Variants in NEUROD4 observed in about 807,000 individuals in gnomAD.
NEUROD4 encodes neurogenic differentiation factor 4.
In NEUROD4, 16 loss-of-function variants were observed where a neutral mutation model predicts 19.8. The ratio of observed to expected loss-of-function variants is 0.81; its 90% CI spans 0.55 to 1.23. The LOEUF is 1.23. NEUROD4 is among the 50% of genes most tolerant of loss of function. NEUROD4 has a pLI of 0.00. For synonymous variants in NEUROD4, 153 were observed against 147.9 expected (o/e 1.03, Z -0.25); for missense variants, 439 against 398.6 (o/e 1.10, Z -0.86).
In NEUROD4 at chr12:55,027,050, A is replaced by C. The variant is rs530830280; in HGVS notation, c.611A>C (p.Tyr204Ser). The change falls in exon 2 of 2, where the codon TAT becomes TCT. Residue 204 changes from tyrosine (Y) to serine (S), a missense_variant. By Grantham distance (144) the Tyr-to-Ser change is moderately radical. Transcript: ENST00000242994. ...GCCATCTCTGTCCACAACTTCAACT[A>C]TCAGTCTCCGGGGCTTCCTAGCCCT... The part of the protein sequence containing the change: ...DSAISVHNFN[Y>S]QSPGLPSPPY... 1 of 1,614,106 alleles carries C rather than the reference A, an allele frequency of 6.2e-7. No individual in the cohort carries two copies. Among genetic ancestry groups the C allele is most frequent in the South Asian group, 1.1e-5 (1 of 91,078 alleles).
At chr12:55,024,500 C>T (rs938996312) in intron 1 of NEUROD4, among the ~76,000 whole-genome samples, 1 of 152,168 alleles carries the variant, frequency 6.6e-6, no homozygotes, top group Non-Finnish European at 1.5e-5. Context: ...AAATGCTACA[C>T]AAATGTTATT....
In NEUROD4 at chr12:55,020,263, C is replaced by T. The variant is rs1477626429; in HGVS notation, c.-60C>T. The T allele has an allele frequency of 1.3e-5, 2 of 152,208 alleles. No individual in the cohort carries two copies. The highest frequency in any genetic ancestry group is 4.8e-5 in the African/African-American group (2 of 41,428). The allele number at this position is 152,208 out of a possible 1,614,324, so 9.4% of individuals were successfully genotyped here. On this transcript the variant is annotated 5_prime_UTR_variant, in exon 1 of 2. Coordinates refer to ENST00000242994, the MANE Select transcript of NEUROD4 (RefSeq NM_021191.3). ...GGGAGACTTGGCTTCTCTGACTGTCCTCTAAGACGCAGATTCACAGAGTTC... is the reference window on the plus strand; with the variant it reads ...GGGAGACTTGGCTTCTCTGACTGTCTTCTAAGACGCAGATTCACAGAGTTC...
In NEUROD4 at chr12:55,027,073, C is replaced by T. The variant is rs1952742374; in HGVS notation, c.634C>T (p.Pro212Ser). The change falls in exon 2 of 2, where the codon CCT becomes TCT. Residue 212 changes from proline (P) to serine (S), a missense_variant. Pro to Ser is a moderately conservative substitution (Grantham distance 74). Coordinates refer to ENST00000242994, the MANE Select transcript of NEUROD4 (RefSeq NM_021191.3). ...CTATCAGTCTCCGGGGCTTCCTAGC[C>T]CTCCTTATGGTCATATGGAAACACA... ...FNYQSPGLPS[P>S]PYGHMETHLL... 1.9e-6 allele frequency: 3 copies of T among 1,614,110 alleles called. No individual in the cohort carries two copies. Among genetic ancestry groups the T allele is most frequent in the Non-Finnish European group, 2.5e-6 (3 of 1,179,992 alleles).
intron 1 of NEUROD4, among the ~76,000 whole-genome samples, chr12:55,021,680 AAT>A (rs1316339377): frequency 6.6e-6 from 1 of 152,230 alleles, no homozygotes; most frequent in East Asian, 1.9e-4. Flanking sequence ...AATTTTTAAA[AAT>A]ATGAGAAATA....
chr12:55,025,410 GTAT>G (rs1396787587), intron 1 of NEUROD4, among the ~76,000 whole-genome samples: 1 of 152,000 alleles, frequency 6.6e-6, no homozygotes, highest in Non-Finnish European at 1.5e-5. Flanking sequence ...TTTAAATAAA[GTAT>G]TATTATAGTA....
At position 55,027,372 on chromosome 12, in the gene NEUROD4, G is replaced by A. The variant is rs1196335273; in HGVS notation, c.933G>A (p.Met311Ile). The A allele has an allele frequency of 6.2e-7, 1 of 1,613,862 alleles. No homozygotes were observed. The highest frequency in any genetic ancestry group is 8.5e-7 in the Non-Finnish European group (1 of 1,179,818). The change falls in exon 2 of 2, where the codon ATG becomes ATA. Residue 311 changes from methionine to isoleucine, a missense_variant. Physicochemically the swap from Met to Ile is conservative, Grantham distance 10. Transcript: ENST00000242994. ...GTPRYDVPID[M>I]SYDSYPHHGI... ...CCCGTTATGATGTTCCTATAGACATGTCCTATGATTCCTACCCCCATCATG... is the reference window on the plus strand; with the variant it reads ...CCCGTTATGATGTTCCTATAGACATATCCTATGATTCCTACCCCCATCATG...
Position 55,026,945 on chromosome 12 carries a change from T to C in NEUROD4, c.506T>C (p.Leu169Pro), listed in dbSNP as rs760256637. The C allele has an allele frequency of 6.2e-7, 1 of 1,614,182 alleles. No homozygotes were observed. Among genetic ancestry groups the C allele is most frequent in the Non-Finnish European group, 8.5e-7 (1 of 1,180,012 alleles). Residue 169 changes from leucine (L) to proline (P), a missense_variant, in exon 2 of 2, where the codon CTG becomes CCG. By Grantham distance (98) the Leu-to-Pro change is moderately conservative. Coordinates refer to ENST00000242994, the MANE Select transcript of NEUROD4 (RefSeq NM_021191.3). ...GGGCTCTCTCAGCCCACAAGCAACC[T>C]GGTGGCTGGATGTCTCCAACTGGGC... ...CKGLSQPTSN[L>P]VAGCLQLGPQ...
intron 1 of NEUROD4, 72 bp from the exon 2 acceptor site, chr12:55,026,359 A>G: frequency 7.6e-7 from 1 of 1,309,670 alleles, no homozygotes; most frequent in Non-Finnish European, 1.0e-6. Flanking sequence ...AGATAATTAC[A>G]TATAAAAAAC....
chr12:55,027,131 G>A lies in NEUROD4; in HGVS notation c.692G>A (p.Ser231Asn). The change falls in exon 2 of 2, where the codon AGT becomes AAT. Residue 231 changes from serine to asparagine, a missense_variant. By Grantham distance (46) the Ser-to-Asn change is conservative. Coordinates refer to ENST00000242994, the MANE Select transcript of NEUROD4 (RefSeq NM_021191.3). ...LLHLKPQVFKSLGESSFGSHL... is the reference protein window; with the variant it reads ...LLHLKPQVFKNLGESSFGSHL... The stretch of plus-strand genomic sequence containing the variant: ...CATCTCAAGCCCCAAGTATTCAAGA[G>A]TTTGGGAGAATCGTCCTTTGGGAGC... The A allele has an allele frequency of 6.2e-7, 1 of 1,614,148 alleles. No individual in the cohort carries two copies. The highest frequency in any genetic ancestry group is 8.5e-7 in the Non-Finnish European group (1 of 1,180,012).
Position 55,026,852 on chromosome 12 carries a change from C to G in NEUROD4, c.413C>G (p.Ala138Gly). ...TLRLARNYIW[A>G]LSEVLETGQT... Reference sequence around the variant, plus strand: ...AGACTGGCCAGGAACTATATTTGGGCTTTATCTGAAGTCCTGGAGACTGGC... The same window carrying G: ...AGACTGGCCAGGAACTATATTTGGGGTTTATCTGAAGTCCTGGAGACTGGC... The change falls in exon 2 of 2, where the codon GCT becomes GGT. Residue 138 changes from alanine (A) to glycine (G), a missense_variant. Coordinates refer to ENST00000242994, the MANE Select transcript of NEUROD4 (RefSeq NM_021191.3). The G allele has an allele frequency of 6.2e-7, 1 of 1,614,132 alleles. No homozygotes were observed. The highest frequency in any genetic ancestry group is 8.5e-7 in the Non-Finnish European group (1 of 1,180,008).
intron 1 of NEUROD4, among the ~76,000 whole-genome samples, chr12:55,023,322 T>C (rs916597606): frequency 6.6e-6 from 1 of 152,206 alleles, no homozygotes; most frequent in Non-Finnish European, 1.5e-5. Flanking sequence ...TGTTTTATTA[T>C]TCATCTGTGA....
intron 1 of NEUROD4, among the ~76,000 whole-genome samples, chr12:55,021,425 A>G (rs752678797): frequency 3.3e-5 from 5 of 152,220 alleles, no homozygotes; most frequent in Non-Finnish European, 7.3e-5. Flanking sequence ...CAGGAGGTAA[A>G]GAGATTATCA....
rs140119855 is a variant in NEUROD4 at position 55,021,501 on chromosome 12, T to C, written c.-10+1188T>C. ...TCCACATGTGAGTTCCCCTTACCTATTAATTAGTTGAAATATCTCCACAAT... is the reference window on the plus strand; with the variant it reads ...TCCACATGTGAGTTCCCCTTACCTACTAATTAGTTGAAATATCTCCACAAT... On this transcript the variant is annotated intron_variant, in intron 1 of 1. Coordinates refer to ENST00000242994, the MANE Select transcript of NEUROD4 (RefSeq NM_021191.3). 3.8e-3 allele frequency among the ~76,000 whole-genome samples: 577 copies of C among 152,264 alleles called. 4 individuals are homozygous for C. The highest frequency in any genetic ancestry group is 0.013 in the African/African-American group (549 of 41,552).
At position 55,026,706 on chromosome 12, in the gene NEUROD4, A is replaced by T; in HGVS notation, c.267A>T (p.Arg89Ser). 1 of 1,614,180 alleles carries T rather than the reference A, an allele frequency of 6.2e-7. No homozygotes were observed. The highest frequency in any genetic ancestry group is 8.5e-7 in the Non-Finnish European group (1 of 1,180,024). Reference sequence around the variant, plus strand: ...GCCTTGAGAGATTCAGGGCTCGAAGAGTCAAGGCTAATGCCAGAGAACGGA... The same window carrying T: ...GCCTTGAGAGATTCAGGGCTCGAAGTGTCAAGGCTAATGCCAGAGAACGGA... ...KARLERFRARRVKANARERTR... is the reference protein window; with the variant it reads ...KARLERFRARSVKANARERTR... The change falls in exon 2 of 2, where the codon AGA (arginine) becomes AGT (serine). Residue 89 changes from arginine to serine, a missense_variant. Arg to Ser is a moderately radical substitution (Grantham distance 110, BLOSUM62 -1). Coordinates refer to ENST00000242994, the MANE Select transcript of NEUROD4 (RefSeq NM_021191.3).
In NEUROD4 at chr12:55,026,846, T is replaced by A; in HGVS notation, c.407T>A (p.Ile136Asn). The A allele has an allele frequency of 6.2e-7, 1 of 1,614,106 alleles. No individual in the cohort carries two copies. Among genetic ancestry groups the A allele is most frequent in the Non-Finnish European group, 8.5e-7 (1 of 1,180,006 alleles). Residue 136 changes from isoleucine (I) to asparagine (N), a missense_variant, in exon 2 of 2, where the codon ATT (isoleucine) becomes AAT (asparagine). Coordinates refer to ENST00000242994, the MANE Select transcript of NEUROD4 (RefSeq NM_021191.3). ...ACTCTTAGACTGGCCAGGAACTATA[T>A]TTGGGCTTTATCTGAAGTCCTGGAG... ...IETLRLARNYIWALSEVLETG... is the reference protein window; with the variant it reads ...IETLRLARNYNWALSEVLETG...
chr12:55,024,505 G>T (rs527238279), intron 1 of NEUROD4, among the ~76,000 whole-genome samples: 9 of 152,244 alleles, frequency 5.9e-5, no homozygotes, highest in Admixed American at 5.2e-4. Context: ...CTACACAAAT[G>T]TTATTATAAT....
intron 1 of NEUROD4, 110 bp from the exon 2 acceptor site, chr12:55,026,321 T>G: frequency 1.2e-6 from 1 of 862,702 alleles, no homozygotes; most frequent in Non-Finnish European, 1.7e-6. Context: ...AGTTTTGGAC[T>G]GGTCATTTAG....
chr12:55,025,038 T>C (rs997667377), intron 1 of NEUROD4, among the ~76,000 whole-genome samples: 15 of 152,214 alleles, frequency 9.9e-5, no homozygotes, highest in Non-Finnish European at 2.1e-4. Flanking sequence ...CTCTTTCTCA[T>C]AATAAAAGGT....
rs765530401 is a variant in NEUROD4, at chr12:55,027,287, A to G, written c.848A>G (p.Tyr283Cys). The change falls in exon 2 of 2, where the codon TAC (tyrosine) becomes TGC (cysteine). Residue 283 changes from tyrosine to cysteine, a missense_variant. Coordinates refer to ENST00000242994, the MANE Select transcript of NEUROD4 (RefSeq NM_021191.3). ...LEKSYSFMPH[Y>C]PSSSLSSGHV... Reference sequence around the variant, plus strand: ...AAATCCTACAGCTTCATGCCACATTACCCTTCTTCAAGTCTAAGCTCAGGG... The same window carrying G: ...AAATCCTACAGCTTCATGCCACATTGCCCTTCTTCAAGTCTAAGCTCAGGG... 4.3e-6 allele frequency: 7 copies of G among 1,613,602 alleles called. No homozygotes were observed. The African/African-American group carries it at 9.4e-5, about 22-fold the overall frequency.
Sources: gnomAD v4.1 joint callset for allele counts (sites outside exome capture counted in the v4.1 genomes callset) on GRCh38, gnomAD v4.1.1 for gene constraint, MANE v1.5 for transcripts, NCBI Gene and HGNC (gene_info 2026-07-23, HGNC 2026-07-21) for gene names.